The following PTPRT variants were observed in gnomAD, a reference collection of about 807,000 sequenced individuals.
PTPRT encodes receptor-type tyrosine-protein phosphatase T.
PTPRT carries 56 observed loss-of-function variants against 176.8 expected under a neutral mutation model. The ratio of observed to expected loss-of-function variants is 0.32; its 90% CI spans 0.26 to 0.40. PTPRT has a LOEUF of 0.40. Ranked by LOEUF, PTPRT falls within the 10% of genes least tolerant of loss-of-function variation. PTPRT has a pLI of 1.00. For missense variants in PTPRT, 1,540 were observed against 1,908.2 expected (o/e 0.81, Z 3.60); for synonymous variants, 783 against 739.0 (o/e 1.06, Z -0.96).
chr20:42,121,434 A>C (rs1987585812), intron 19 of PTPRT, among the ~76,000 whole-genome samples: 1 of 152,150 alleles, frequency 6.6e-6, no homozygotes, highest in South Asian at 2.1e-4. Context: ...AGAGCTCAGC[A>C]CAATGTGAGA....
At chr20:42,055,544 G>T in the PTPRT span, among the ~76,000 whole-genome samples, 8 of 152,294 alleles carry the variant, frequency 5.3e-5, no homozygotes, top group South Asian at 1.7e-3. Context: ...GAGCTCTGGG[G>T]GCAAGGGATG....
In PTPRT at chr20:42,078,912, A is replaced by G; in HGVS notation, c.*1967T>C. On this transcript the variant is annotated 3_prime_UTR_variant, in exon 31 of 31. Coordinates refer to ENST00000373187, the MANE Select transcript of PTPRT (RefSeq NM_007050.6). ...TCCTAGGCTCATGGAACACTCATCC[A>G]CTCCACACTACTGCACCATGGTTCC... The G allele has an allele frequency of 5.7e-6, 1 of 175,446 alleles. No individual in the cohort carries two copies. Among genetic ancestry groups the G allele is most frequent in the African/African-American group, 2.4e-5 (1 of 42,206 alleles). The allele number at this position is 175,446 out of a possible 1,614,324, so 10.9% of individuals were successfully genotyped here.
intron 2 of PTPRT, among the ~76,000 whole-genome samples, chr20:42,857,095 C>A (rs1289098267): frequency 6.6e-6 from 1 of 152,190 alleles, no homozygotes; most frequent in Non-Finnish European, 1.5e-5. Flanking sequence ...TTAGCTGCAC[C>A]ATTTGGCATT....
In PTPRT at chr20:42,624,030, A is replaced by C. The variant is rs5022157; in HGVS notation, c.1153+53836T>G. 2.2e-3 allele frequency among the ~76,000 whole-genome samples: 316 copies of C among 145,692 alleles called. 3 individuals carry two copies. Among genetic ancestry groups the C allele is most frequent in the African/African-American group, 8.0e-3 (296 of 37,118 alleles). The stretch of plus-strand genomic sequence containing the variant: ...CAACAAACAAACAAACAAACAAAAA[A>C]AAAAAACCCTGCTGAACTCAGATTC... On this transcript the variant is annotated intron_variant, in intron 7 of 30. Coordinates refer to ENST00000373187, the MANE Select transcript of PTPRT (RefSeq NM_007050.6).
chr20:42,119,312 G>A (rs914004026), intron 20 of PTPRT, among the ~76,000 whole-genome samples: 5 of 152,118 alleles, frequency 3.3e-5, no homozygotes, highest in South Asian at 4.1e-4. Context: ...ATAATATGGC[G>A]GTAACACACT....
intron 1 of PTPRT, among the ~76,000 whole-genome samples, chr20:43,059,496 G>A (rs1367526565): frequency 1.3e-5 from 2 of 152,180 alleles, no homozygotes; most frequent in African/African-American, 2.4e-5. Context: ...CGCTTGATAA[G>A]AGATTGTCTT....
intron 1 of PTPRT, among the ~76,000 whole-genome samples, chr20:42,985,918 G>A (rs1201576064): frequency 6.6e-6 from 1 of 152,182 alleles, no homozygotes; most frequent in African/African-American, 2.4e-5. Flanking sequence ...GCTGGAGCCA[G>A]ATGAATGAGG....
chr20:42,924,357 G>T (rs1176795112), intron 1 of PTPRT, among the ~76,000 whole-genome samples: 1 of 152,180 alleles, frequency 6.6e-6, no homozygotes, highest in African/African-American at 2.4e-5. Context: ...TTCTATTCTG[G>T]TAATGGATGC....
At chr20:42,393,414 C>A (rs760274556) in intron 9 of PTPRT, among the ~76,000 whole-genome samples, 6 of 152,132 alleles carry the variant, frequency 3.9e-5, no homozygotes, top group Non-Finnish European at 5.9e-5. Flanking sequence ...CTGGAGAAAA[C>A]TGCACTCAGA....
At chr20:42,821,523 C>T (rs148776047) in intron 2 of PTPRT, among the ~76,000 whole-genome samples, 2 of 152,252 alleles carry the variant, frequency 1.3e-5, no homozygotes, top group Non-Finnish European at 2.9e-5. Flanking sequence ...CCTCCTCTCA[C>T]CACTCCTATT....
intron 9 of PTPRT, among the ~76,000 whole-genome samples, chr20:42,385,461 G>A (rs1292549505): frequency 1.3e-5 from 2 of 152,142 alleles, no homozygotes; most frequent in Admixed American, 6.5e-5. Flanking sequence ...GTAGAGGGAG[G>A]ACATGATTTG....
chr20:42,449,727 C>CAT (rs1044106082), intron 8 of PTPRT, among the ~76,000 whole-genome samples: 1 of 152,204 alleles, frequency 6.6e-6, no homozygotes, highest in Non-Finnish European at 1.5e-5. Context: ...CGCCTCTCTA[C>CAT]ATATAGCCTT....
At position 42,867,683 on chromosome 20, in the gene PTPRT, CTT is replaced by C. The variant is rs5841476; in HGVS notation, c.214+18122_214+18123del. Among the ~76,000 whole-genome samples, 620 of 113,332 alleles carry C rather than the reference CTT, an allele frequency of 5.5e-3. 2 individuals are homozygous for C. Among genetic ancestry groups the C allele is most frequent in the Middle Eastern group, 0.02 (4 of 198 alleles). 74.4% of individuals were successfully genotyped at this position (113,332 alleles called of 152,430 possible). A position where few individuals can be genotyped will look rare whatever the true frequency, so the allele number is the denominator to read the frequency against. Reference sequence around the variant, plus strand: ...ATAAATTTAAAAATTTACATATGGCCTTTTTTTTTTTTTTTTTTGTGACAGAG... The same window carrying C: ...ATAAATTTAAAAATTTACATATGGCCTTTTTTTTTTTTTTTTGTGACAGAG... On this transcript the variant is annotated intron_variant, in intron 2 of 30. Transcript: ENST00000373187.
intron 21 of PTPRT, 118 bp downstream of exon 21, chr20:42,118,285 G>C (rs943298113): frequency 1.3e-6 from 1 of 763,752 alleles, no homozygotes; most frequent in African/African-American, 1.8e-5. Context: ...CTCCCTTGTA[G>C]GTTGCCGTGA....
intron 1 of PTPRT, among the ~76,000 whole-genome samples, chr20:43,141,739 T>A (rs77946742): frequency 0.018 from 2,715 of 152,258 alleles, 74 homozygotes; most frequent in African/African-American, 0.061. Context: ...CAAACCTAAA[T>A]AGTATTTGTA....
intron 18 of PTPRT, among the ~76,000 whole-genome samples, chr20:42,131,707 GA>G (rs1286438454): frequency 6.6e-6 from 1 of 152,198 alleles, no homozygotes; most frequent in East Asian, 1.9e-4. Flanking sequence ...TATCAAATGT[GA>G]TACTCATGTT....
At chr20:42,861,027 C>T (rs887301225) in intron 2 of PTPRT, among the ~76,000 whole-genome samples, 2 of 152,200 alleles carry the variant, frequency 1.3e-5, no homozygotes, top group Admixed American at 6.5e-5. Context: ...CACCCACCAA[C>T]CTAGACATAG....
chr20:42,582,968 C>T (rs2073402747), intron 7 of PTPRT, among the ~76,000 whole-genome samples: 1 of 152,162 alleles, frequency 6.6e-6, no homozygotes, highest in African/African-American at 2.4e-5. Flanking sequence ...CAGACTTGGT[C>T]CCATCGGCAA....
chr20:42,997,274 C>G (rs1450552122), intron 1 of PTPRT, among the ~76,000 whole-genome samples: 1 of 152,104 alleles, frequency 6.6e-6, no homozygotes, highest in Non-Finnish European at 1.5e-5. Flanking sequence ...TTAACCTTTC[C>G]ACAAATAGGA....
Sources: allele counts gnomAD v4.1 joint callset (sites outside exome capture counted in the v4.1 genomes callset), GRCh38; gene constraint gnomAD v4.1.1; transcripts MANE v1.5; gene names NCBI Gene and HGNC (gene_info 2026-07-23, HGNC 2026-07-21).